The following NELL1 variants were observed in gnomAD, a reference collection of about 807,000 sequenced individuals.
The protein encoded by NELL1 is protein kinase C-binding protein NELL1.
A neutral mutation model predicts 107.4 loss-of-function variants in NELL1; 76 were observed. That is an observed-to-expected ratio of 0.71 (90% CI 0.59 to 0.86). The LOEUF is 0.86. Among genes scored for constraint, NELL1 ranks in the 40% least tolerant of loss-of-function variants. The pLI, the probability that NELL1 is intolerant of heterozygous loss-of-function variation, is 0.00. For missense variants in NELL1, 1,024 were observed against 1,005.5 expected (o/e 1.02, Z -0.25); for synonymous variants, 353 against 341.2 (o/e 1.03, Z -0.38).
intron 14 of NELL1, among the ~76,000 whole-genome samples, chr11:21,246,249 G>A (rs1858488505): frequency 6.6e-6 from 1 of 152,134 alleles, no homozygotes; most frequent in Non-Finnish European, 1.5e-5. Context: ...GCAAACTGAG[G>A]TGCAGAAAGG....
chr11:20,946,272 C>G (rs1850960510), intron 10 of NELL1, among the ~76,000 whole-genome samples: 1 of 152,104 alleles, frequency 6.6e-6, no homozygotes, highest in African/African-American at 2.4e-5. Context: ...ACCTTTTGGC[C>G]TTAAATGAGA....
chr11:21,288,070 T>G (rs115969680), intron 14 of NELL1, among the ~76,000 whole-genome samples: 26 of 19,952 alleles, frequency 1.3e-3, no homozygotes, highest in South Asian at 4.7e-3. Context: ...AAGAAGGAAA[T>G]AAGGAAGGGA....
chr11:21,312,043 T>C (rs1849760837), intron 14 of NELL1, among the ~76,000 whole-genome samples: 1 of 152,110 alleles, frequency 6.6e-6, no homozygotes, highest in Admixed American at 6.6e-5. Context: ...ACCAAAAAAG[T>C]AGGCCCTTAC....
chr11:21,291,435 C>G (rs1247603331), intron 14 of NELL1, among the ~76,000 whole-genome samples: 2 of 151,696 alleles, frequency 1.3e-5, no homozygotes, highest in African/African-American at 4.8e-5. Context: ...AATTAATAGA[C>G]TACCAGCCAG....
At chr11:21,498,241 T>A (rs1257213246) in intron 15 of NELL1, among the ~76,000 whole-genome samples, 1 of 150,784 alleles carries the variant, frequency 6.6e-6, no homozygotes, top group Admixed American at 6.6e-5. Context: ...TACATTTTCC[T>A]CCCTGGTGAT....
At chr11:21,276,005 G>A (rs1306446261) in intron 14 of NELL1, among the ~76,000 whole-genome samples, 21 of 152,162 alleles carry the variant, frequency 1.4e-4, no homozygotes, top group South Asian at 4.2e-4. Flanking sequence ...CAGGGATGCC[G>A]TCTCTCACCA....
chr11:21,215,121 T>C (rs200001634), intron 13 of NELL1, among the ~76,000 whole-genome samples: 1 of 152,116 alleles, frequency 6.6e-6, no homozygotes, highest in East Asian at 1.9e-4. Context: ...TGTAAGGTAA[T>C]TGAATCATGA....
At chr11:21,143,910 G>A (rs1194752734) in intron 13 of NELL1, among the ~76,000 whole-genome samples, 1 of 152,144 alleles carries the variant, frequency 6.6e-6, no homozygotes, top group Non-Finnish European at 1.5e-5. Context: ...TCTGTGTCAA[G>A]ACTAATGTAA....
intron 13 of NELL1, among the ~76,000 whole-genome samples, chr11:21,189,687 T>C (rs1857009358): frequency 1.3e-5 from 2 of 150,886 alleles, no homozygotes; most frequent in Admixed American, 6.6e-5. Flanking sequence ...CTTCCTTTTT[T>C]TTTTTTTTTT....
Position 21,229,124 on chromosome 11 carries a change from T to C in NELL1, c.1427-208T>C, listed in dbSNP as rs76635890. Among the ~76,000 whole-genome samples, 1,150 of 152,256 alleles carry C rather than the reference T, an allele frequency of 7.6e-3. 12 individuals carry two copies. Among genetic ancestry groups the C allele is most frequent in the African/African-American group, 0.024 (998 of 41,566 alleles). ...ACGGACAGGAGTTGTTTGACTTCTC[T>C]GATACTGTTTCTTTACCTGCAAAGT... is the stretch of plus-strand genomic sequence containing the variant. On this transcript the variant is annotated intron_variant, in intron 13 of 19. Coordinates refer to ENST00000357134, the MANE Select transcript of NELL1 (RefSeq NM_006157.5).
chr11:21,352,383 A>G lies in NELL1; in HGVS notation c.1550-18470A>G, dbSNP rs181418202. 4.1e-4 allele frequency among the ~76,000 whole-genome samples: 62 copies of G among 152,292 alleles called. No individual in the cohort carries two copies. In the East Asian group the frequency reaches 8.5e-3, roughly 21 times the overall value. On this transcript the variant is annotated intron_variant, in intron 14 of 19. Coordinates refer to ENST00000357134, the MANE Select transcript of NELL1 (RefSeq NM_006157.5). ...AAGTGCTTAGGAGAGTACTTGGCAC[A>G]TAGTAGTATTTTGATTGATAGTTTT...
chr11:20,773,686 TG>T (rs1448544209), intron 2 of NELL1: 2 of 151,934 alleles, frequency 1.3e-5, no homozygotes, highest in African/African-American at 4.8e-5. Context: ...TTAGTAGAGA[TG>T]GGGTTTTGCA....
intron 14 of NELL1, among the ~76,000 whole-genome samples, chr11:21,308,507 A>G (rs1227725234): frequency 6.6e-6 from 1 of 152,108 alleles, no homozygotes; most frequent in Non-Finnish European, 1.5e-5. Context: ...AGCATAATCT[A>G]TAAGGAATAA....
intron 4 of NELL1, among the ~76,000 whole-genome samples, chr11:20,868,794 A>C (rs1030845544): frequency 3.3e-5 from 5 of 152,186 alleles, no homozygotes; most frequent in African/African-American, 1.2e-4. Flanking sequence ...AAAAGTATTA[A>C]ATTTTATATA....
At chr11:20,904,492 A>G (rs1014257728) in intron 5 of NELL1, among the ~76,000 whole-genome samples, 10 of 152,196 alleles carry the variant, frequency 6.6e-5, no homozygotes, top group African/African-American at 2.2e-4. Flanking sequence ...TATGGTTGAG[A>G]CATATAGTAG....
intron 7 of NELL1, among the ~76,000 whole-genome samples, chr11:20,920,825 T>G (rs1229847401): frequency 6.6e-6 from 1 of 151,968 alleles, no homozygotes; most frequent in Non-Finnish European, 1.5e-5. Context: ...TCTCAAAACG[T>G]TATTGTGTAA....
chr11:21,523,209 T>C (rs1381165824), intron 15 of NELL1, among the ~76,000 whole-genome samples: 1 of 152,098 alleles, frequency 6.6e-6, no homozygotes, highest in Non-Finnish European at 1.5e-5. Flanking sequence ...TATGTCTACA[T>C]GGAATATCTT....
At chr11:21,493,176 A>C (rs1265421370) in intron 15 of NELL1, among the ~76,000 whole-genome samples, 1 of 152,108 alleles carries the variant, frequency 6.6e-6, no homozygotes, top group African/African-American at 2.4e-5. Context: ...AGAACAGTAC[A>C]CTTTCCTCAA....
At chr11:21,093,660 A>G (rs1297195356) in intron 12 of NELL1, among the ~76,000 whole-genome samples, 3 of 152,234 alleles carry the variant, frequency 2.0e-5, no homozygotes, top group Admixed American at 6.5e-5. Flanking sequence ...CCTCATAATC[A>G]TAGCGGAAGG....
Sources: allele counts gnomAD v4.1 joint callset (sites outside exome capture counted in the v4.1 genomes callset), GRCh38; gene constraint gnomAD v4.1.1; transcripts MANE v1.5; gene names NCBI Gene and HGNC (gene_info 2026-07-23, HGNC 2026-07-21).